PTPN20: variants seen among roughly 807,000 people sequenced by gnomAD.
PTPN20 encodes protein tyrosine phosphatase non-receptor type 20.
Under a neutral mutation model 35.0 loss-of-function variants are expected in PTPN20, and 9 were observed. The observed-to-expected ratio is 0.26, with a 90% CI of 0.15 to 0.45. The LOEUF is 0.45. Ranked by LOEUF, PTPN20 falls within the 20% of genes least tolerant of loss-of-function variation. The pLI, the probability that PTPN20 is intolerant of heterozygous loss-of-function variation, is 1.00. For missense variants in PTPN20, 111 were observed against 312.5 expected, an observed-to-expected ratio of 0.36 and a Z score of 4.86; for synonymous variants, 32 against 100.2, an observed-to-expected ratio of 0.32 and a Z score of 4.06.
chr10:47,000,650 G>C, intron 10 of PTPN20, 26 bp from the exon 11 acceptor site: 2 of 1,611,142 alleles, frequency 1.2e-6, no homozygotes, highest in East Asian at 4.5e-5. Flanking sequence ...TTAACATTCT[G>C]TTGTTTTTTA....
intron 5 of PTPN20, among the ~76,000 whole-genome samples, chr10:46,959,036 T>C (rs2049128145): frequency 6.9e-6 from 1 of 145,506 alleles, no homozygotes; most frequent in Admixed American, 6.9e-5. Context: ...ATACTTTGTT[T>C]ATTATATTGT....
At chr10:46,959,376 G>A (rs1266903267) in intron 5 of PTPN20, among the ~76,000 whole-genome samples, 33 of 138,080 alleles carry the variant, frequency 2.4e-4, no homozygotes, top group African/African-American at 7.4e-4. Flanking sequence ...TAACCTATTC[G>A]TGTCTTTGGA....
chr10:46,995,312 T>C (rs2058850193), intron 9 of PTPN20, among the ~76,000 whole-genome samples: 2 of 151,400 alleles, frequency 1.3e-5, no homozygotes, highest in African/African-American at 4.8e-5. Context: ...CTATGTAATT[T>C]ACCTGTCGAA....
chr10:46,932,288 T>C, intron 1 of PTPN20, 89 bp from the exon 2 acceptor site: 3 of 1,473,352 alleles, frequency 2.0e-6, no homozygotes, highest in South Asian at 2.9e-5. Context: ...CAGTTTTAAA[T>C]ATTTTGAATT....
chr10:46,940,812 C>T, intron 3 of PTPN20, 95 bp downstream of exon 3: 1 of 1,211,434 alleles, frequency 8.3e-7, no homozygotes, highest in Non-Finnish European at 1.2e-6. Context: ...TTGGTTCTCA[C>T]CAAAATGATT....
intron 9 of PTPN20, among the ~76,000 whole-genome samples, chr10:46,995,200 A>G (rs1030724036): frequency 0.023 from 3,570 of 151,978 alleles, 56 homozygotes; most frequent in Middle Eastern, 0.075. Context: ...CAAGAAATAT[A>G]TATCTTGTAT....
chr10:46,947,098 T>G (rs2045067607), intron 5 of PTPN20, among the ~76,000 whole-genome samples: 1 of 145,238 alleles, frequency 6.9e-6, no homozygotes, highest in Admixed American at 7.0e-5. Context: ...AAATATATAA[T>G]AAATTATAAT....
At chr10:46,998,155 T>G (rs2059472767) in intron 9 of PTPN20, among the ~76,000 whole-genome samples, 1 of 152,200 alleles carries the variant, frequency 6.6e-6, no homozygotes, top group African/African-American at 2.4e-5. Context: ...AAATTTATGT[T>G]CATACAGAAA....
At chr10:46,941,715 T>C (rs564962139) in intron 3 of PTPN20, among the ~76,000 whole-genome samples, 49 of 151,418 alleles carry the variant, frequency 3.2e-4, no homozygotes, top group Non-Finnish European at 5.4e-4. Context: ...GTTTGTTTGT[T>C]TGTTTTTTTG....
chr10:46,982,438 A>C (rs1174662731), intron 7 of PTPN20, among the ~76,000 whole-genome samples: 1 of 151,822 alleles, frequency 6.6e-6, no homozygotes, highest in Non-Finnish European at 1.5e-5. Flanking sequence ...TTTGCTTCTG[A>C]AATTCGTTTT....
At chr10:46,940,890 G>A (rs2043262660) in intron 3 of PTPN20, among the ~76,000 whole-genome samples, 173 bp downstream of exon 3, 2 of 151,828 alleles carry the variant, frequency 1.3e-5, no homozygotes, top group Non-Finnish European at 2.9e-5. Context: ...GGAATTTTTT[G>A]CAAAGTTTCT....
At chr10:47,003,404 T>A (rs1224354024), downstream of PTPN20, among the ~76,000 whole-genome samples, 1 of 152,072 alleles carries the variant, frequency 6.6e-6, no homozygotes, top group Non-Finnish European at 1.5e-5. Flanking sequence ...ATAATTGCTG[T>A]AAATATTGGA....
At chr10:46,975,975 A>G (rs2053457662) in intron 7 of PTPN20, among the ~76,000 whole-genome samples, 1 of 151,370 alleles carries the variant, frequency 6.6e-6, no homozygotes, top group Admixed American at 6.6e-5. Context: ...TGTTTCTTTA[A>G]GAATCAGAGT....
chr10:46,994,971 T>C (rs2058780246), intron 9 of PTPN20, among the ~76,000 whole-genome samples: 1 of 152,226 alleles, frequency 6.6e-6, no homozygotes, highest in Non-Finnish European at 1.5e-5. Flanking sequence ...GATTTTTAAA[T>C]TATTTCAATC....
rs1362922989 is a variant in PTPN20 at position 46,953,339 on chromosome 10, C to A, written c.340+6664C>A. On this transcript the variant is annotated intron_variant, in intron 5 of 10. Transcript: ENST00000374339. Reference sequence around the variant, plus strand: ...AATGTATATGCCTTTCATTTCTTTTCTTTCTTTCTTTCTTTCTTTCTTTCT... The same window carrying A: ...AATGTATATGCCTTTCATTTCTTTTATTTCTTTCTTTCTTTCTTTCTTTCT... Among the ~76,000 whole-genome samples the A allele has an allele frequency of 2.5e-4, 14 of 55,436 alleles. 2 individuals carry two copies. Among genetic ancestry groups the A allele is most frequent in the African/African-American group, 1.3e-3 (13 of 9,784 alleles). The allele number at this position is 55,436 out of a possible 152,430, so 36.4% of individuals were successfully genotyped here. A position where few individuals can be genotyped will look rare whatever the true frequency, so the allele number is the denominator to read the frequency against.
At chr10:46,998,832 T>TG (rs35168558) in intron 9 of PTPN20, among the ~76,000 whole-genome samples, 71,569 of 152,024 alleles carry the variant, frequency 0.47, 17,569 homozygotes, top group African/African-American at 0.61. Flanking sequence ...TAAAATAAAA[T>TG]TTTTTTATGG....
At chr10:46,940,081 A>G (rs2042969809) in intron 2 of PTPN20, among the ~76,000 whole-genome samples, 2 of 151,618 alleles carry the variant, frequency 1.3e-5, no homozygotes, top group Non-Finnish European at 2.9e-5. Flanking sequence ...TAACACAGTA[A>G]TTAGGAATAA....
At chr10:46,949,690 G>A (rs1157657960) in intron 5 of PTPN20, among the ~76,000 whole-genome samples, 104 of 133,586 alleles carry the variant, frequency 7.8e-4, no homozygotes, top group African/African-American at 2.8e-3. Context: ...TTTGCAAACA[G>A]GAAATACCAT....
At chr10:46,946,929 C>T (rs1405262758) in intron 5 of PTPN20, 2 of 416,260 alleles carry the variant, frequency 4.8e-6, no homozygotes, top group Non-Finnish European at 8.3e-6. Context: ...TAGTAAAATC[C>T]ATTTTTTTAA....
Sources: allele counts gnomAD v4.1 joint callset (sites outside exome capture counted in the v4.1 genomes callset), GRCh38; gene constraint gnomAD v4.1.1; transcripts MANE v1.5; gene names NCBI Gene and HGNC (gene_info 2026-07-23, HGNC 2026-07-21).